METTL15: variants seen among roughly 807,000 people sequenced by gnomAD.
METTL15 encodes the protein 12S rRNA N(4)-cytidine methyltransferase METTL15.
A neutral mutation model predicts 38.3 loss-of-function variants in METTL15; 34 were observed. The ratio of observed to expected loss-of-function variants is 0.89; its 90% CI spans 0.68 to 1.18. The LOEUF is 1.18. Ranked by LOEUF, METTL15 falls within the 50% of genes most tolerant of loss-of-function variation. The probability of loss-of-function intolerance (pLI) is 0.00; values close to 1 mark genes in which losing one functional copy is unlikely to be tolerated. For missense variants in METTL15, 438 were observed against 498.4 expected (o/e 0.88, Z 1.15); for synonymous variants, 162 against 170.9 (o/e 0.95, Z 0.41).
intron 6 of METTL15, among the ~76,000 whole-genome samples, chr11:28,475,735 C>T (rs1208945432): frequency 2.6e-5 from 4 of 152,188 alleles, no homozygotes; most frequent in African/African-American, 4.8e-5. Flanking sequence ...GGAATCTGAG[C>T]GGTCCAAAGG....
At chr11:28,321,781 C>A (rs545219043) in intron 6 of METTL15, among the ~76,000 whole-genome samples, 1 of 151,738 alleles carries the variant, frequency 6.6e-6, no homozygotes, top group Non-Finnish European at 1.5e-5. Flanking sequence ...GAAGGTTGCC[C>A]CACCTGATAG....
At chr11:28,313,547 T>C (rs1036044421) in intron 6 of METTL15, among the ~76,000 whole-genome samples, 1 of 151,796 alleles carries the variant, frequency 6.6e-6, no homozygotes, top group Non-Finnish European at 1.5e-5. Context: ...GTTAGGAAAT[T>C]AAAAAAAACT....
At chr11:28,451,040 AG>A (rs1233331094) in intron 6 of METTL15, among the ~76,000 whole-genome samples, 1 of 152,226 alleles carries the variant, frequency 6.6e-6, no homozygotes, top group Non-Finnish European at 1.5e-5. Flanking sequence ...TTGACTCCAA[AG>A]GTCTTTCTGC....
At chr11:28,386,624 T>G (rs2133389169) in intron 5 of METTL15, among the ~76,000 whole-genome samples, 1 of 152,078 alleles carries the variant, frequency 6.6e-6, no homozygotes, top group South Asian at 2.1e-4. Flanking sequence ...CACGTTAATA[T>G]TAGGATACTC....
chr11:28,491,876 G>A (rs1851497935), intron 6 of METTL15, among the ~76,000 whole-genome samples: 1 of 152,050 alleles, frequency 6.6e-6, no homozygotes, highest in African/African-American at 2.4e-5. Context: ...CTATTTTAAT[G>A]TTTTAAACTC....
intron 4 of METTL15, among the ~76,000 whole-genome samples, chr11:28,220,945 G>A (rs953277850): frequency 2.0e-5 from 3 of 152,136 alleles, no homozygotes; most frequent in Admixed American, 6.6e-5. Context: ...TAGTCTGATG[G>A]GCTTCCCTTT....
rs537350433 is a variant in METTL15, at chr11:28,396,528, G to T, written c.*359-27771G>T. ...GAATAAAATACCTAGGAATCCAACT[G>T]ACAAGGGACGTGAAGGACCTCTTCA... On this transcript the variant is annotated intron_variant and NMD_transcript_variant, in intron 5 of 7. Coordinates refer to the METTL15 transcript ENST00000532947. Among the ~76,000 whole-genome samples the T allele has an allele frequency of 2.1e-4, 32 of 152,036 alleles. No individual in the cohort carries two copies. The South Asian group carries it at 2.7e-3, about 13-fold the overall frequency.
chr11:28,344,820 A>C (rs1164555725), intron 3 of METTL15, among the ~76,000 whole-genome samples: 1 of 152,206 alleles, frequency 6.6e-6, no homozygotes, highest in African/African-American at 2.4e-5. Flanking sequence ...TATAAATATA[A>C]TGCAAGCCAC....
rs561521649 is a variant in METTL15 at position 28,204,286 on chromosome 11, C to G, written c.271-6776C>G. ...TTATGTCTTACATTTTTTGTTCTTT[C>G]TATCACTCTTGCCTTTTCTTCCTCT... is the stretch of plus-strand genomic sequence containing the variant. On this transcript the variant is annotated intron_variant, in intron 3 of 6. Coordinates refer to ENST00000407364, the MANE Select transcript of METTL15 (RefSeq NM_001113528.2). Among the ~76,000 whole-genome samples the G allele has an allele frequency of 2.0e-5, 3 of 151,950 alleles. No individual in the cohort carries two copies. The South Asian group carries it at 6.2e-4, about 32-fold the overall frequency.
At chr11:28,310,131 G>T (rs899240085) in intron 6 of METTL15, among the ~76,000 whole-genome samples, 4 of 152,116 alleles carry the variant, frequency 2.6e-5, no homozygotes, top group Non-Finnish European at 4.4e-5. Flanking sequence ...TAATTGGAGA[G>T]TCATGTAAAT....
At chr11:28,267,183 A>AG (rs1855458984) in intron 4 of METTL15, among the ~76,000 whole-genome samples, 1 of 148,848 alleles carries the variant, frequency 6.7e-6, no homozygotes, top group African/African-American at 2.5e-5. Context: ...AAAAAAAAAA[A>AG]GAGTGAAGAA....
chr11:28,497,367 G>C (rs1295003611), intron 6 of METTL15, among the ~76,000 whole-genome samples: 1 of 152,156 alleles, frequency 6.6e-6, no homozygotes, highest in African/African-American at 2.4e-5. Flanking sequence ...GGCAAAAGGA[G>C]CTTAATTTCC....
At chr11:28,148,823 T>G (rs1026294939) in intron 3 of METTL15, among the ~76,000 whole-genome samples, 1 of 152,010 alleles carries the variant, frequency 6.6e-6, no homozygotes, top group African/African-American at 2.4e-5. Flanking sequence ...TGTCAAGTAG[T>G]ATTCTTAAGT....
rs141125561 is a variant in METTL15 at position 28,291,855 on chromosome 11, G to A, written c.599+1458G>A. ...TAGTTTAAAGACTTATCAGCAAATT[G>A]TAGTTTGTGAATCAGGGTCCCTGTG... On this transcript the variant is annotated intron_variant, in intron 5 of 6. Coordinates refer to ENST00000407364, the MANE Select transcript of METTL15 (RefSeq NM_001113528.2). 9.0e-4 allele frequency among the ~76,000 whole-genome samples: 137 copies of A among 152,164 alleles called. 1 individual carries two copies. The highest frequency in any genetic ancestry group is 3.3e-3 in the African/African-American group (136 of 41,540).
chr11:28,209,671 G>A (rs1852539313), intron 3 of METTL15, among the ~76,000 whole-genome samples: 1 of 151,832 alleles, frequency 6.6e-6, no homozygotes. Context: ...TCTTTCAGTA[G>A]CAGGCTAACT....
chr11:28,219,480 A>G lies in METTL15; in HGVS notation c.407+8282A>G, dbSNP rs569889909. 7.9e-5 allele frequency among the ~76,000 whole-genome samples: 12 copies of G among 152,214 alleles called. No individual in the cohort carries two copies. In the South Asian group the frequency reaches 2.1e-3, roughly 26 times the overall value. ...TCTTTATTAGTCTTGCTAGCAGTCT[A>G]TCAATTTTGTTGACCTTTTCACAAA... On this transcript the variant is annotated intron_variant, in intron 4 of 6. Coordinates refer to ENST00000407364, the MANE Select transcript of METTL15 (RefSeq NM_001113528.2).
chr11:28,434,829 A>G (rs907099297), intron 6 of METTL15, among the ~76,000 whole-genome samples: 2 of 152,308 alleles, frequency 1.3e-5, no homozygotes, highest in Admixed American at 1.3e-4. Flanking sequence ...GTATAGGTTC[A>G]GCTAGAACAA....
At chr11:28,375,149 C>A (rs1173311340) in intron 5 of METTL15, among the ~76,000 whole-genome samples, 3 of 145,912 alleles carry the variant, frequency 2.1e-5, no homozygotes, top group South Asian at 2.3e-4. Flanking sequence ...TGTCTCTGCC[C>A]GGCTTTGGTA....
chr11:28,356,847 C>G (rs954471357), intron 4 of METTL15, among the ~76,000 whole-genome samples: 1 of 152,162 alleles, frequency 6.6e-6, no homozygotes, highest in Non-Finnish European at 1.5e-5. Flanking sequence ...TCAAATTAAT[C>G]GGAGACCCAT....
Sources: gnomAD v4.1 joint callset for allele counts (sites outside exome capture counted in the v4.1 genomes callset) on GRCh38, gnomAD v4.1.1 for gene constraint, MANE v1.5 for transcripts, NCBI Gene and HGNC (gene_info 2026-07-23, HGNC 2026-07-21) for gene names.